TUSC3: variants seen among roughly 807,000 people sequenced by gnomAD.
TUSC3 encodes the protein tumor suppressor candidate 3.
TUSC3 carries 45 observed loss-of-function variants against 44.8 expected under a neutral mutation model. The observed-to-expected ratio is 1.00, with a 90% CI of 0.79 to 1.29. The LOEUF is 1.29. Among genes scored for constraint, TUSC3 ranks in the 50% most tolerant of loss-of-function variants. The probability of loss-of-function intolerance (pLI) is 0.00; values close to 1 mark genes in which losing one functional copy is unlikely to be tolerated. For synonymous variants in TUSC3, 212 were observed against 152.9 expected, an observed-to-expected ratio of 1.39 and a Z score of -2.85; for missense variants, 519 against 437.9, an observed-to-expected ratio of 1.19 and a Z score of -1.65.
intron 1 of TUSC3, among the ~76,000 whole-genome samples, chr8:15,439,447 C>G (rs942959651): frequency 6.6e-6 from 1 of 152,174 alleles, no homozygotes. Flanking sequence ...GTTCCAGCTA[C>G]TCAGGAGGCT....
chr8:15,599,281 T>C (rs1297159985), intron 1 of TUSC3, among the ~76,000 whole-genome samples: 1 of 151,862 alleles, frequency 6.6e-6, no homozygotes, highest in Middle Eastern at 3.2e-3. Context: ...TGGGTTGTTT[T>C]GTTCTTATTG....
the TUSC3 span, among the ~76,000 whole-genome samples, chr8:15,844,270 T>TC: frequency 6.6e-6 from 1 of 152,200 alleles, no homozygotes; most frequent in Non-Finnish European, 1.5e-5. Context: ...ATAATTTACT[T>TC]CCCTTAGTTA....
At chr8:15,783,427 G>T in the TUSC3 span, among the ~76,000 whole-genome samples, 4 of 152,206 alleles carry the variant, frequency 2.6e-5, no homozygotes, top group Admixed American at 2.0e-4. Flanking sequence ...GCAATCATGA[G>T]CAAAAAGAAC....
chr8:15,558,528 G>A (rs1476297252), intron 1 of TUSC3, among the ~76,000 whole-genome samples: 1 of 71,440 alleles, frequency 1.4e-5, no homozygotes, highest in Non-Finnish European at 3.4e-5. Context: ...CATAAAATGA[G>A]TTAGGGAGGA....
chr8:15,757,975 T>G, intron 10 of TUSC3, 120 bp downstream of exon 10: 3 of 1,493,628 alleles, frequency 2.0e-6, no homozygotes, highest in Non-Finnish European at 2.7e-6. Flanking sequence ...TAAGATAACT[T>G]TTAACTGTGA....
chr8:15,582,307 TC>T (rs1563302122), intron 1 of TUSC3, among the ~76,000 whole-genome samples: 1 of 152,196 alleles, frequency 6.6e-6, no homozygotes, highest in Non-Finnish European at 1.5e-5. Flanking sequence ...CCGGAGCTGT[TC>T]CTGTTCAGCC....
intron 1 of TUSC3, among the ~76,000 whole-genome samples, chr8:15,560,496 C>T (rs1206912490): frequency 1.3e-5 from 2 of 151,074 alleles, no homozygotes; most frequent in East Asian, 1.9e-4. Flanking sequence ...AGTTGCTCTT[C>T]TCGAGAAGTA....
chr8:15,843,621 T>TATATATATATATATATATATACAC, the TUSC3 span, among the ~76,000 whole-genome samples: 36 of 146,754 alleles, frequency 2.5e-4, no homozygotes, highest in African/African-American at 9.2e-4. Context: ...TATATATATA[T>TATATATATATATATATATATACAC]ACACGCACAT....
At chr8:15,487,157 G>T (rs533725995) in intron 2 of TUSC3, among the ~76,000 whole-genome samples, 1 of 152,120 alleles carries the variant, frequency 6.6e-6, no homozygotes, top group Non-Finnish European at 1.5e-5. Flanking sequence ...GTTTTATTGT[G>T]TTTTAATGAT....
chr8:15,778,112 C>G, the TUSC3 span, among the ~76,000 whole-genome samples: 1 of 93,516 alleles, frequency 1.1e-5, no homozygotes, highest in Admixed American at 1.1e-4. Flanking sequence ...AAAAAAAAAA[C>G]AAAAAACCAA....
intron 2 of TUSC3, among the ~76,000 whole-genome samples, chr8:15,510,157 G>A (rs1472516038): frequency 1.3e-5 from 2 of 152,198 alleles, no homozygotes; most frequent in East Asian, 1.9e-4. Context: ...TAAAATCAGT[G>A]CCTTTAGATT....
At chr8:15,659,474 C>A in intron 3 of TUSC3, 33 bp from the exon 4 acceptor site, 1 of 1,604,746 alleles carries the variant, frequency 6.2e-7, no homozygotes, top group South Asian at 1.1e-5. Context: ...TAAGATGATC[C>A]TATATTTAGT....
intron 1 of TUSC3, among the ~76,000 whole-genome samples, chr8:15,481,857 G>T (rs1011291790): frequency 2.0e-5 from 3 of 152,160 alleles, no homozygotes; most frequent in Admixed American, 6.5e-5. Context: ...GCTAAAACTT[G>T]GGGTGGCTGT....
At chr8:15,826,208 T>C in the TUSC3 span, among the ~76,000 whole-genome samples, 1 of 152,156 alleles carries the variant, frequency 6.6e-6, no homozygotes, top group African/African-American at 2.4e-5. Context: ...TTCTAGGAGA[T>C]GGCATATTTG....
At chr8:15,828,302 T>C in the TUSC3 span, among the ~76,000 whole-genome samples, 1 of 152,154 alleles carries the variant, frequency 6.6e-6, no homozygotes, top group Non-Finnish European at 1.5e-5. Flanking sequence ...GCCAATATAA[T>C]TTTTTTAATC....
intron 1 of TUSC3, among the ~76,000 whole-genome samples, chr8:15,419,219 T>A (rs1799694691): frequency 6.6e-6 from 1 of 152,130 alleles, no homozygotes; most frequent in Admixed American, 6.5e-5. Flanking sequence ...CGATAAAAGA[T>A]TTGGCAAGAA....
At chr8:15,714,841 T>C (rs1423826595) in intron 6 of TUSC3, among the ~76,000 whole-genome samples, 2 of 152,204 alleles carry the variant, frequency 1.3e-5, no homozygotes, top group African/African-American at 4.8e-5. Flanking sequence ...GTTAGTTTTA[T>C]ATTTTCAGAT....
At chr8:15,501,461 A>G (rs1056660889) in intron 2 of TUSC3, among the ~76,000 whole-genome samples, 24 of 152,212 alleles carry the variant, frequency 1.6e-4, no homozygotes, top group African/African-American at 5.8e-4. Flanking sequence ...AAATAAGACA[A>G]TGCCATATTC....
At position 15,559,622 on chromosome 8, in the gene TUSC3, T is replaced by G. The variant is rs1156644783; in HGVS notation, c.138+19054T>G. ...GTGGGGTGCTAAAGTCTCCCATTAT[T>G]AATGTGTGGGAGTCTAATTCTCTTT... On this transcript the variant is annotated intron_variant, in intron 1 of 10. Transcript: ENST00000503731. Among the ~76,000 whole-genome samples the G allele has an allele frequency of 3.6e-5, 5 of 139,718 alleles. 1 individual carries two copies. The highest frequency in any genetic ancestry group is 7.9e-5 in the Non-Finnish European group (5 of 63,466). The allele number at this position is 139,718 out of a possible 152,430, so 91.7% of individuals were successfully genotyped here.
Sources: allele counts gnomAD v4.1 joint callset (sites outside exome capture counted in the v4.1 genomes callset), GRCh38; gene constraint gnomAD v4.1.1; transcripts MANE v1.5; gene names NCBI Gene and HGNC (gene_info 2026-07-23, HGNC 2026-07-21).